MYO16: variants seen among roughly 807,000 people sequenced by gnomAD.
MYO16 encodes unconventional myosin-XVI.
A neutral mutation model predicts 205.3 loss-of-function variants in MYO16; 94 were observed. The ratio of observed to expected loss-of-function variants is 0.46; its 90% confidence interval spans 0.39 to 0.54. The LOEUF is 0.54. Among genes scored for constraint, MYO16 ranks in the 20% least tolerant of loss-of-function variants. MYO16 has a pLI of 0.00. For missense variants in MYO16, 2,315 were observed against 2,387.5 expected (o/e 0.97, Z 0.63); for synonymous variants, 988 against 954.0 (o/e 1.04, Z -0.66).
chr13:108,859,992 G>T (rs1409593042), intron 11 of MYO16, among the ~76,000 whole-genome samples: 1 of 152,030 alleles, frequency 6.6e-6, no homozygotes, highest in African/African-American at 2.4e-5. Flanking sequence ...GGTGACCCAG[G>T]TTAATGTAGC....
chr13:108,682,798 C>T (rs1882516640), intron 2 of MYO16, among the ~76,000 whole-genome samples: 1 of 152,152 alleles, frequency 6.6e-6, no homozygotes, highest in Non-Finnish European at 1.5e-5. Flanking sequence ...TTTCGAGCTG[C>T]TGAAGTCTTG....
At chr13:108,756,184 A>G (rs929183973) in intron 4 of MYO16, among the ~76,000 whole-genome samples, 1 of 152,132 alleles carries the variant, frequency 6.6e-6, no homozygotes, top group Non-Finnish European at 1.5e-5. Context: ...TTCAATATTT[A>G]TGGTTAAGAT....
At chr13:108,614,854 G>GT (rs1301571691) in intron 1 of MYO16, among the ~76,000 whole-genome samples, 2 of 81,366 alleles carry the variant, frequency 2.5e-5, no homozygotes, top group Non-Finnish European at 5.4e-5. Context: ...AGTGGCTACA[G>GT]TTTTTAAATT....
At chr13:109,098,134 G>A (rs969537129) in intron 27 of MYO16, among the ~76,000 whole-genome samples, 6 of 126,258 alleles carry the variant, frequency 4.8e-5, no homozygotes, top group African/African-American at 1.8e-4. Flanking sequence ...TCGCCTCCTG[G>A]TTTGGAGAGA....
chr13:109,200,301 T>A (rs1296669722), intron 34 of MYO16, among the ~76,000 whole-genome samples: 1 of 152,196 alleles, frequency 6.6e-6, no homozygotes, highest in Non-Finnish European at 1.5e-5. Context: ...ATTCTGGCAA[T>A]TCTTATATAC....
At chr13:108,689,053 T>C (rs1030650586) in intron 2 of MYO16, among the ~76,000 whole-genome samples, 1 of 152,190 alleles carries the variant, frequency 6.6e-6, no homozygotes, top group Non-Finnish European at 1.5e-5. Flanking sequence ...TAATACAAAT[T>C]ATAATTATTA....
the MYO16 span, among the ~76,000 whole-genome samples, chr13:108,504,216 G>A: frequency 6.6e-6 from 1 of 152,044 alleles, no homozygotes; most frequent in African/African-American, 2.4e-5. Context: ...TCGCCTCCGG[G>A]GTTTAAGTGA....
intron 12 of MYO16, among the ~76,000 whole-genome samples, chr13:108,882,379 G>A (rs1343043737): frequency 1.3e-5 from 2 of 152,120 alleles, no homozygotes; most frequent in African/African-American, 2.4e-5. Context: ...GACCAGTTCT[G>A]CAGTCTTCTT....
chr13:108,588,834 C>T, the MYO16 span, among the ~76,000 whole-genome samples: 1 of 152,126 alleles, frequency 6.6e-6, no homozygotes, highest in Non-Finnish European at 1.5e-5. Flanking sequence ...CCCTGCCTAA[C>T]CACGATGGGC....
intron 4 of MYO16, chr13:108,779,658 G>C (rs770278488): frequency 6.6e-6 from 1 of 152,178 alleles, no homozygotes. Flanking sequence ...CATTTGCTAG[G>C]ATACAAGAGA....
At chr13:108,684,753 C>T (rs1032905446) in intron 2 of MYO16, among the ~76,000 whole-genome samples, 3 of 152,042 alleles carry the variant, frequency 2.0e-5, no homozygotes, top group Admixed American at 6.6e-5. Flanking sequence ...GCCTATGTAA[C>T]GAAGACTCCA....
intron 1 of MYO16, among the ~76,000 whole-genome samples, chr13:108,612,660 A>C (rs1183049859): frequency 6.6e-6 from 1 of 151,112 alleles, no homozygotes; most frequent in Non-Finnish European, 1.5e-5. Context: ...CCTGCACTAC[A>C]CAAAGGGAGG....
intron 15 of MYO16, among the ~76,000 whole-genome samples, chr13:108,907,075 T>G (rs1184552664): frequency 6.6e-6 from 1 of 152,170 alleles, no homozygotes; most frequent in Non-Finnish European, 1.5e-5. Flanking sequence ...TAAGTGGTCG[T>G]GTACCCATAA....
chr13:108,670,704 A>C (rs1594194838), intron 2 of MYO16, among the ~76,000 whole-genome samples: 1 of 152,366 alleles, frequency 6.6e-6, no homozygotes, highest in African/African-American at 2.4e-5. Context: ...GCATGGACTC[A>C]CTGCTCCTTT....
intron 27 of MYO16, chr13:109,065,526 G>GAA (rs78280400): frequency 7.9e-4 from 292 of 371,082 alleles, no homozygotes; most frequent in Middle Eastern, 1.7e-3. Flanking sequence ...AGGCCATGCT[G>GAA]AAAAAAAAAA....
At chr13:108,565,307 C>T in the MYO16 span, among the ~76,000 whole-genome samples, 1 of 152,120 alleles carries the variant, frequency 6.6e-6, no homozygotes, top group South Asian at 2.1e-4. Context: ...TATTGCAATC[C>T]ATGAACATGG....
intron 4 of MYO16, among the ~76,000 whole-genome samples, chr13:108,736,504 C>G (rs994572434): frequency 3.9e-5 from 6 of 152,260 alleles, no homozygotes; most frequent in African/African-American, 1.4e-4. Flanking sequence ...TGGTCTATAT[C>G]TCTGTTTTGG....
intron 1 of MYO16, among the ~76,000 whole-genome samples, chr13:108,599,686 GA>G (rs1566498379): frequency 6.6e-6 from 1 of 152,088 alleles, no homozygotes; most frequent in African/African-American, 2.4e-5. Flanking sequence ...TGCCCGCTGT[GA>G]GGTTTCTGTG....
chr13:109,032,912 C>T (rs2139560219), intron 23 of MYO16, among the ~76,000 whole-genome samples: 1 of 152,166 alleles, frequency 6.6e-6, no homozygotes, highest in African/African-American at 2.4e-5. Flanking sequence ...AACAAGGTAG[C>T]CTGTGCAAGC....
Sources: gnomAD v4.1 joint callset for allele counts (sites outside exome capture counted in the v4.1 genomes callset) on GRCh38, gnomAD v4.1.1 for gene constraint, MANE v1.5 for transcripts, NCBI Gene and HGNC (gene_info 2026-07-23, HGNC 2026-07-21) for gene names.